The following DNM3 variants were observed in gnomAD, a reference collection of about 807,000 sequenced individuals.
The protein encoded by DNM3 is dynamin 3.
DNM3 carries 47 observed loss-of-function variants against 101.6 expected under a neutral mutation model. The observed-to-expected ratio is 0.46, with a 90% CI of 0.37 to 0.59. The LOEUF (loss-of-function observed/expected upper bound fraction) is 0.59, where lower values mean the gene tolerates loss of function less well. DNM3 is among the 20% of genes least tolerant of loss of function. DNM3 has a pLI of 0.00. For missense variants in DNM3, 849 were observed against 1,085.7 expected, an observed-to-expected ratio of 0.78 and a Z score of 3.06; for synonymous variants, 385 against 387.9, an observed-to-expected ratio of 0.99 and a Z score of 0.09.
At position 172,304,218 on chromosome 1, in the gene DNM3, A is replaced by AAAAAAAAAAAAAAAAAAAAAAC. The variant is rs1182798546; in HGVS notation, c.1770-4506_1770-4505insAAAAAAAAAAAAAAAAACAAAA. Among the ~76,000 whole-genome samples the AAAAAAAAAAAAAAAAAAAAAAC allele has an allele frequency of 6.7e-5, 9 of 135,094 alleles. 1 individual carries two copies. The highest frequency in any genetic ancestry group is 3.0e-4 in the African/African-American group (9 of 29,734). 88.6% of individuals were successfully genotyped at this position (135,094 alleles called of 152,430 possible). The stretch of plus-strand genomic sequence containing the variant: ...TGCAAAAGGAAAGCAAAAAAAAAAA[A>AAAAAAAAAAAAAAAAAAAAAAC]AAAACAGGAGTTGCAATCCTAGTCT... On this transcript the variant is annotated intron_variant, in intron 15 of 20. Transcript: ENST00000627582.
chr1:172,157,817 G>A (rs2058397352), intron 14 of DNM3, among the ~76,000 whole-genome samples: 1 of 151,972 alleles, frequency 6.6e-6, no homozygotes, highest in Admixed American at 6.6e-5. Context: ...TAAGGGACTT[G>A]AGTATCTTTG....
chr1:172,196,559 G>C (rs1330984765), intron 14 of DNM3, among the ~76,000 whole-genome samples: 2 of 151,770 alleles, frequency 1.3e-5, no homozygotes, highest in African/African-American at 2.4e-5. Flanking sequence ...CCACAACCTT[G>C]CCAGCATCTA....
At chr1:172,057,951 T>A (rs980179665) in intron 10 of DNM3, among the ~76,000 whole-genome samples, 5 of 138,964 alleles carry the variant, frequency 3.6e-5, no homozygotes, top group Non-Finnish European at 7.7e-5. Context: ...AGGAAACCCA[T>A]CTCATGTGCA....
At chr1:172,380,935 CCTGCCTATAG>C (rs1329102545) in intron 18 of DNM3, 1 of 150,796 alleles carries the variant, frequency 6.6e-6, no homozygotes, top group Non-Finnish European at 1.5e-5. Context: ...AATAGCACTT[CCTGCCTATAG>C]CTGTGAGGAG....
In DNM3 at chr1:172,410,544, T is replaced by C. The variant is rs551952676; in HGVS notation, c.*2703T>C. On this transcript the variant is annotated 3_prime_UTR_variant, in exon 21 of 21. Coordinates refer to ENST00000627582, the MANE Select transcript of DNM3 (RefSeq NM_015569.5). ...TAAATATTGCATGCATATTGACTAA[T>C]TGGAATAACCATTTACTCAATTATG... 13 of 983,392 alleles carry C rather than the reference T, an allele frequency of 1.3e-5. No homozygotes were observed. The highest frequency in any genetic ancestry group is 1.7e-5 in the African/African-American group (1 of 57,338). 60.9% of individuals were successfully genotyped at this position (983,392 alleles called of 1,614,324 possible). A position where few individuals can be genotyped will look rare whatever the true frequency, so the allele number is the denominator to read the frequency against.
intron 14 of DNM3, among the ~76,000 whole-genome samples, chr1:172,252,111 C>G (rs1362568942): frequency 1.3e-5 from 2 of 152,086 alleles, no homozygotes; most frequent in Non-Finnish European, 2.9e-5. Flanking sequence ...TGTTGAGCCT[C>G]TCTCACTCCT....
chr1:172,298,105 T>C (rs538942550), intron 15 of DNM3, among the ~76,000 whole-genome samples: 25 of 152,324 alleles, frequency 1.6e-4, no homozygotes, highest in African/African-American at 6.0e-4. Context: ...AATTTAAAAA[T>C]CTGACTTTTT....
intron 14 of DNM3, among the ~76,000 whole-genome samples, chr1:172,220,600 G>A (rs946375039): frequency 2.6e-5 from 4 of 152,038 alleles, no homozygotes; most frequent in Non-Finnish European, 2.9e-5. Context: ...GATGGGAAAG[G>A]AACAGATGTC....
Position 172,386,992 on chromosome 1 carries a change from C to G in DNM3, c.2059-141C>G, listed in dbSNP as rs747866004. ...GAGACAAAACAAAAGTAAACAGACG[C>G]TTGGTGCTTCACTTTTCCCAGGGTG... On this transcript the variant is annotated intron_variant, in intron 18 of 20. Coordinates refer to ENST00000627582, the MANE Select transcript of DNM3 (RefSeq NM_015569.5). 9.1e-6 allele frequency: 6 copies of G among 662,792 alleles called. No homozygotes were observed. In the South Asian group the frequency reaches 1.1e-4, roughly 12 times the overall value. 41.1% of individuals were successfully genotyped at this position (662,792 alleles called of 1,614,324 possible).
chr1:172,404,125 C>T (rs2070710800), intron 20 of DNM3, among the ~76,000 whole-genome samples: 1 of 152,040 alleles, frequency 6.6e-6, no homozygotes, highest in Non-Finnish European at 1.5e-5. Context: ...GTGAGGAGCT[C>T]TTTAGGATTT....
chr1:171,974,852 CTCT>C (rs1345383110), intron 2 of DNM3, among the ~76,000 whole-genome samples: 2 of 151,470 alleles, frequency 1.3e-5, no homozygotes, highest in Non-Finnish European at 2.9e-5. Flanking sequence ...CCTTCTCCCC[CTCT>C]TCTTCTTCTA....
At chr1:172,235,616 C>T (rs2061510711) in intron 14 of DNM3, among the ~76,000 whole-genome samples, 1 of 152,134 alleles carries the variant, frequency 6.6e-6, no homozygotes, top group African/African-American at 2.4e-5. Flanking sequence ...CGATGATAGA[C>T]TGGATTAAGA....
At chr1:172,009,862 A>T (rs1289441904) in intron 4 of DNM3, among the ~76,000 whole-genome samples, 1 of 151,754 alleles carries the variant, frequency 6.6e-6, no homozygotes, top group African/African-American at 2.4e-5. Context: ...AAGTTTGTTG[A>T]TAGTGTTGTT....
chr1:171,873,501 A>T (rs775617007), intron 1 of DNM3, among the ~76,000 whole-genome samples: 4 of 152,120 alleles, frequency 2.6e-5, no homozygotes, highest in Non-Finnish European at 4.4e-5. Context: ...TAAGTAAATT[A>T]TGTGGCAGAT....
At position 171,952,564 on chromosome 1, in the gene DNM3, T is replaced by C. The variant is rs1410607424; in HGVS notation, c.235+30743T>C. On this transcript the variant is annotated intron_variant, in intron 2 of 20. Coordinates refer to ENST00000627582, the MANE Select transcript of DNM3 (RefSeq NM_015569.5). ...TTCAAATTTTCAGGTTTCTCTGGGGTTCCCTTGGCCCAGAGGGGATCCATT... is the reference window on the plus strand; with the variant it reads ...TTCAAATTTTCAGGTTTCTCTGGGGCTCCCTTGGCCCAGAGGGGATCCATT... Among the ~76,000 whole-genome samples the C allele has an allele frequency of 3.3e-5, 5 of 152,260 alleles. 1 individual carries two copies. The East Asian group carries it at 9.7e-4, about 29-fold the overall frequency.
intron 1 of DNM3, among the ~76,000 whole-genome samples, chr1:171,909,437 TA>T (rs10554706): frequency 0.03 from 3,891 of 130,838 alleles, 123 homozygotes; most frequent in African/African-American, 0.088. Context: ...GACTCTGTCT[TA>T]AAAAAAAAAA....
intron 7 of DNM3, among the ~76,000 whole-genome samples, chr1:172,038,792 A>G (rs995428855): frequency 7.2e-5 from 11 of 152,110 alleles, no homozygotes; most frequent in Non-Finnish European, 1.3e-4. Flanking sequence ...TGCAAATATC[A>G]TTTGTATTTT....
chr1:172,359,544 A>G (rs1286615078), intron 17 of DNM3, among the ~76,000 whole-genome samples: 1 of 151,518 alleles, frequency 6.6e-6, no homozygotes, highest in Admixed American at 6.6e-5. Flanking sequence ...TAATAACCAA[A>G]CTGTTCTTCT....
intron 1 of DNM3, among the ~76,000 whole-genome samples, chr1:171,855,783 G>T (rs1384053534): frequency 3.9e-5 from 6 of 152,128 alleles, no homozygotes; most frequent in Non-Finnish European, 8.8e-5. Context: ...ACCTTTGTCA[G>T]ATGCATAGTT....
Sources: allele counts gnomAD v4.1 joint callset (sites outside exome capture counted in the v4.1 genomes callset), GRCh38; gene constraint gnomAD v4.1.1; transcripts MANE v1.5; gene names NCBI Gene and HGNC (gene_info 2026-07-23, HGNC 2026-07-21).